FRMD3: variants seen among roughly 807,000 people sequenced by gnomAD.
The protein encoded by FRMD3 is FERM domain-containing protein 3.
In FRMD3, 33 loss-of-function variants were observed where a neutral mutation model predicts 70.2. The observed-to-expected ratio is 0.47, with a 90% CI of 0.36 to 0.63. The LOEUF (loss-of-function observed/expected upper bound fraction) is 0.63. FRMD3 is among the 20% of genes least tolerant of loss of function. The pLI is 0.00. For synonymous variants in FRMD3, 279 were observed against 255.9 expected (o/e 1.09, Z -0.86); for missense variants, 632 against 711.4 (o/e 0.89, Z 1.27).
the FRMD3 span, among the ~76,000 whole-genome samples, chr9:83,559,993 A>G: frequency 2.0e-5 from 3 of 152,142 alleles, no homozygotes; most frequent in African/African-American, 7.2e-5. Context: ...AATTCCTTCC[A>G]ATGCATCCCC....
At chr9:83,333,685 T>C (rs1173075309) in intron 6 of FRMD3, among the ~76,000 whole-genome samples, 3 of 152,148 alleles carry the variant, frequency 2.0e-5, no homozygotes, top group Non-Finnish European at 4.4e-5. Context: ...TGGTTCTCCA[T>C]CCTCAGGCAC....
intron 3 of FRMD3, among the ~76,000 whole-genome samples, chr9:83,359,130 G>A (rs1398635421): frequency 6.6e-6 from 1 of 152,164 alleles, no homozygotes; most frequent in African/African-American, 2.4e-5. Context: ...CCAAAGCAGA[G>A]ACAGGTTTTT....
chr9:83,541,505 T>C (rs921046937), upstream of FRMD3, among the ~76,000 whole-genome samples: 15 of 152,340 alleles, frequency 9.8e-5, no homozygotes, highest in East Asian at 1.9e-3. Context: ...CTGTGTCCCC[T>C]GAGGGGGCAT....
chr9:83,415,614 C>CTTTTTTTTTT (rs1168650565), intron 1 of FRMD3, among the ~76,000 whole-genome samples: 2 of 108,962 alleles, frequency 1.8e-5, no homozygotes, highest in Admixed American at 2.0e-4. Context: ...GACTAATTTT[C>CTTTTTTTTTT]TTTTTTTTTT....
chr9:83,264,781 T>A (rs1004139065), intron 13 of FRMD3, among the ~76,000 whole-genome samples: 1 of 150,218 alleles, frequency 6.7e-6, no homozygotes, highest in Non-Finnish European at 1.5e-5. Flanking sequence ...TATGAAAAAG[T>A]TTTGCAAAAA....
intron 6 of FRMD3, among the ~76,000 whole-genome samples, chr9:83,321,458 C>T (rs531408510): frequency 2.0e-5 from 3 of 152,084 alleles, no homozygotes; most frequent in Non-Finnish European, 2.9e-5. Flanking sequence ...AGGAGCATGC[C>T]GTTTAATTTA....
At chr9:83,574,872 G>A in the FRMD3 span, among the ~76,000 whole-genome samples, 1 of 152,170 alleles carries the variant, frequency 6.6e-6, no homozygotes, top group Non-Finnish European at 1.5e-5. Flanking sequence ...TAGTTTTAGA[G>A]ATGGGGAATA....
chr9:83,520,223 C>A lies in FRMD3; in HGVS notation c.147+17862G>T, dbSNP rs192086469. Among the ~76,000 whole-genome samples the A allele has an allele frequency of 2.0e-5, 3 of 152,256 alleles. No homozygotes were observed. The South Asian group carries it at 6.2e-4, about 32-fold the overall frequency. ...CACTCACCAGGCTAATTCCTTCCCC[C>A]CCTGGACTTCAGATGCTCCCTGAGA... On this transcript the variant is annotated intron_variant, in intron 1 of 13. Coordinates refer to ENST00000304195, the MANE Select transcript of FRMD3 (RefSeq NM_174938.6).
chr9:83,508,426 G>A (rs181701082), intron 1 of FRMD3, among the ~76,000 whole-genome samples: 20 of 151,994 alleles, frequency 1.3e-4, no homozygotes, highest in Admixed American at 8.5e-4. Flanking sequence ...ATCCTACTTC[G>A]ACTGTTTAGA....
At chr9:83,252,940 C>G (rs1282265076) in intron 13 of FRMD3, among the ~76,000 whole-genome samples, 2 of 152,148 alleles carry the variant, frequency 1.3e-5, no homozygotes, top group Non-Finnish European at 2.9e-5. Context: ...GACTTTAACA[C>G]TCCACTGACA....
chr9:83,567,840 C>A, the FRMD3 span, among the ~76,000 whole-genome samples: 12 of 152,318 alleles, frequency 7.9e-5, no homozygotes, highest in South Asian at 2.5e-3. Context: ...TTCAACAAAT[C>A]TCTAGGAGGT....
intron 1 of FRMD3, among the ~76,000 whole-genome samples, chr9:83,426,037 G>A (rs7029023): frequency 1.3e-5 from 2 of 151,938 alleles, no homozygotes; most frequent in Non-Finnish European, 2.9e-5. Context: ...ACAAGCGTGA[G>A]CAAACCATCC....
At chr9:83,297,890 A>T (rs531545145) in intron 12 of FRMD3, 7 of 466,990 alleles carry the variant, frequency 1.5e-5, no homozygotes, top group African/African-American at 1.2e-4. Flanking sequence ...ATGCTTCTCC[A>T]GGCTGGCTTA....
chr9:83,469,934 T>A (rs762077314), intron 1 of FRMD3, among the ~76,000 whole-genome samples: 2 of 152,186 alleles, frequency 1.3e-5, no homozygotes, highest in Non-Finnish European at 2.9e-5. Context: ...TCCCTAGAGC[T>A]GTATAAAAGT....
intron 2 of FRMD3, among the ~76,000 whole-genome samples, chr9:83,382,294 G>A (rs1454503585): frequency 6.6e-6 from 1 of 152,064 alleles, no homozygotes; most frequent in African/African-American, 2.4e-5. Context: ...TTTATTTTAA[G>A]TTCAAGGGTA....
rs193142098 is a variant in FRMD3, at chr9:83,379,418, C to T, written c.253-6463G>A. Among the ~76,000 whole-genome samples, 345 of 152,248 alleles carry T rather than the reference C, an allele frequency of 2.3e-3. 1 individual carries two copies. Among genetic ancestry groups the T allele is most frequent in the Admixed American group, 4.8e-3 (73 of 15,286 alleles). On this transcript the variant is annotated intron_variant, in intron 2 of 13. Transcript: ENST00000304195. The stretch of plus-strand genomic sequence containing the variant: ...TTTAAGTCTTTTTCCTTACTGGAAA[C>T]TGAGTTTCCCTAAGAAAGGCAAAAA...
intron 4 of FRMD3, among the ~76,000 whole-genome samples, chr9:83,345,267 C>G (rs1823917295): frequency 6.9e-6 from 1 of 144,972 alleles, no homozygotes; most frequent in Non-Finnish European, 1.5e-5. Context: ...AAGGCAGTCC[C>G]TAATAAGTTT....
the FRMD3 span, among the ~76,000 whole-genome samples, chr9:83,584,665 G>A: frequency 2.6e-5 from 4 of 152,188 alleles, no homozygotes; most frequent in Admixed American, 2.6e-4. Flanking sequence ...TTTTAAAATT[G>A]TGCCACACCT....
intron 1 of FRMD3, among the ~76,000 whole-genome samples, chr9:83,412,371 A>G (rs767882070): frequency 2.0e-5 from 3 of 151,430 alleles, no homozygotes; most frequent in Non-Finnish European, 4.4e-5. Context: ...GTGAACATAT[A>G]TAAGTATTTC....
Sources: allele counts gnomAD v4.1 joint callset (sites outside exome capture counted in the v4.1 genomes callset), GRCh38; gene constraint gnomAD v4.1.1; transcripts MANE v1.5; gene names NCBI Gene and HGNC (gene_info 2026-07-23, HGNC 2026-07-21).